Variants in ABI3BP observed in about 807,000 individuals in gnomAD.
ABI3BP encodes ABI family member 3 binding protein.
ABI3BP carries 216 observed loss-of-function variants against 268.6 expected under a neutral mutation model. That is an observed-to-expected ratio of 0.80 (90% confidence interval 0.72 to 0.90). The LOEUF is 0.90. Ranked by LOEUF, ABI3BP falls within the 40% of genes least tolerant of loss-of-function variation. The pLI, the probability that ABI3BP is intolerant of heterozygous loss-of-function variation, is 0.00. For synonymous variants in ABI3BP, 730 were observed against 730.0 expected, an observed-to-expected ratio of 1.00 and a Z score of 0.00; for missense variants, 2,090 against 2,182.4, an observed-to-expected ratio of 0.96 and a Z score of 0.84.
intron 2 of ABI3BP, among the ~76,000 whole-genome samples, chr3:100,904,456 G>C (rs1395739003): frequency 6.6e-6 from 1 of 152,192 alleles, no homozygotes; most frequent in African/African-American, 2.4e-5. Flanking sequence ...GGCATTGGAG[G>C]AATGCATTAT....
At position 100,775,299 on chromosome 3, in the gene ABI3BP, AG is replaced by A; in HGVS notation, c.4369del (p.Leu1457Ter). Reference sequence around the variant, plus strand: ...TCCAGTAGGCCTGGGTGTTGACCTCAGGGGTGGTGTAGTTATTGGGCCTGAT... The same window carrying A: ...TCCAGTAGGCCTGGGTGTTGACCTCAGGGTGGTGTAGTTATTGGGCCTGAT... ...ISSGPITTPP[L>X]RSTPRPTGTP... On this transcript the variant is annotated frameshift_variant, in exon 60 of 68. Transcript: ENST00000471714. LOFTEE classifies it high-confidence loss of function. The A allele has an allele frequency of 6.2e-7, 1 of 1,608,480 alleles. No individual in the cohort carries two copies. The highest frequency in any genetic ancestry group is 1.1e-5 in the South Asian group (1 of 89,754).
At chr3:100,795,152 G>A (rs748579405) in intron 53 of ABI3BP, 149 bp from the exon 54 acceptor site, 51 of 566,726 alleles carry the variant, frequency 9.0e-5, no homozygotes, top group African/African-American at 3.3e-4. Flanking sequence ...AAATGACTGC[G>A]GAATATTAGA....
In ABI3BP at chr3:100,822,653, C is replaced by G. The variant is rs1479633512; in HGVS notation, c.2823G>C (p.Arg941=). Residue 941 remains arginine, a synonymous_variant, in exon 38 of 68, where the codon CGG becomes CGC. Transcript: ENST00000471714. ...TTGTTCTGAGACGTGGACGACGTGTCCGTTGTGATGTTTTGGAAGCTGAAG... is the reference window on the plus strand; with the variant it reads ...TTGTTCTGAGACGTGGACGACGTGTGCGTTGTGATGTTTTGGAAGCTGAAG... ...STTLASKTSQ[R]TRRPRLRTKT... The G allele has an allele frequency of 6.5e-7, 1 of 1,536,464 alleles. No individual in the cohort carries two copies. Among genetic ancestry groups the G allele is most frequent in the East Asian group, 2.4e-5 (1 of 40,904 alleles).
chr3:100,989,568 C>A (rs992137593), intron 1 of ABI3BP, among the ~76,000 whole-genome samples: 1 of 152,190 alleles, frequency 6.6e-6, no homozygotes, highest in South Asian at 2.1e-4. Flanking sequence ...AGAGTCACAC[C>A]CAAGATCCTC....
At chr3:100,752,303 G>GA (rs1428123426) in intron 66 of ABI3BP, among the ~76,000 whole-genome samples, 3 of 152,080 alleles carry the variant, frequency 2.0e-5, no homozygotes, top group Non-Finnish European at 4.4e-5. Context: ...TTGAATGACT[G>GA]AAAAAAATCT....
At chr3:100,984,892 ATGAGAGTC>A (rs1360165214) in intron 1 of ABI3BP, among the ~76,000 whole-genome samples, 2 of 152,170 alleles carry the variant, frequency 1.3e-5, no homozygotes, top group Admixed American at 1.3e-4. Flanking sequence ...TAAACAGTCT[ATGAGAGTC>A]TGAGTGTCAT....
At position 100,838,273 on chromosome 3, in the gene ABI3BP, G is replaced by A. The variant is rs1052560950; in HGVS notation, c.2020C>T (p.Pro674Ser). 3.3e-6 allele frequency: 5 copies of A among 1,536,438 alleles called. No homozygotes were observed. Among genetic ancestry groups the A allele is most frequent in the Non-Finnish European group, 4.4e-6 (5 of 1,146,846 alleles). The change falls in exon 26 of 68, where the codon CCA becomes TCA. Residue 674 changes from proline to serine, a missense_variant. Physicochemically the swap from Pro to Ser is moderately conservative, Grantham distance 74 (BLOSUM62 -1). Transcript: ENST00000471714. The part of the protein sequence containing the change: ...APQIQPGSKP[P>S]KQLLPKPQTT... ...TGGGGTTTAGGAAGTAATTGTTTTGGTGGTTTTGAACCTGAAGAAAATTAG... is the reference window on the plus strand; with the variant it reads ...TGGGGTTTAGGAAGTAATTGTTTTGATGGTTTTGAACCTGAAGAAAATTAG...
chr3:100,898,420 T>C (rs2048676610), intron 4 of ABI3BP, among the ~76,000 whole-genome samples: 1 of 152,234 alleles, frequency 6.6e-6, no homozygotes, highest in South Asian at 2.1e-4. Context: ...AGATCAAAGA[T>C]CCATCCTTTT....
rs569430440 is a variant in ABI3BP, at chr3:100,871,296, C to A, written c.910+3545G>T. The stretch of plus-strand genomic sequence containing the variant: ...TCATCTTGGATGCTTGAAGCATATA[C>A]AATAAAAAATTTTAAAAAATTGTAT... On this transcript the variant is annotated intron_variant, in intron 9 of 67. Transcript: ENST00000471714. Among the ~76,000 whole-genome samples the A allele has an allele frequency of 1.1e-4, 16 of 152,162 alleles. No homozygotes were observed. In the East Asian group the frequency reaches 3.1e-3, roughly 29 times the overall value.
chr3:100,922,629 G>A (rs2060634022), intron 2 of ABI3BP, among the ~76,000 whole-genome samples: 2 of 152,096 alleles, frequency 1.3e-5, no homozygotes, highest in African/African-American at 4.8e-5. Flanking sequence ...TTGACCCACT[G>A]TTGTTGACCT....
intron 1 of ABI3BP, among the ~76,000 whole-genome samples, chr3:100,981,736 C>G (rs994097949): frequency 6.6e-6 from 1 of 152,162 alleles, no homozygotes; most frequent in African/African-American, 2.4e-5. Context: ...ATGCTCATGG[C>G]AAGAATTATG....
At chr3:100,913,182 A>C (rs1214007531) in intron 2 of ABI3BP, among the ~76,000 whole-genome samples, 1 of 152,206 alleles carries the variant, frequency 6.6e-6, no homozygotes, top group Admixed American at 6.5e-5. Flanking sequence ...ACTGACTAAT[A>C]AAACCAAATT....
intron 4 of ABI3BP, among the ~76,000 whole-genome samples, chr3:100,889,708 T>C (rs1038694705): frequency 5.3e-5 from 8 of 152,170 alleles, no homozygotes; most frequent in African/African-American, 1.7e-4. Flanking sequence ...GGTAAGAAAC[T>C]GTTGAAGGTA....
rs538991832 is a variant in ABI3BP, at chr3:100,880,688, A to C, written c.697-4128T>G. ...TGGCTAGGAAAGCATATGCTTCTTTAGAAATACCCACAGTAGCAGCAGCAG... is the reference window on the plus strand; with the variant it reads ...TGGCTAGGAAAGCATATGCTTCTTTCGAAATACCCACAGTAGCAGCAGCAG... On this transcript the variant is annotated intron_variant, in intron 6 of 67. Transcript: ENST00000471714. Among the ~76,000 whole-genome samples the C allele has an allele frequency of 4.6e-5, 7 of 152,320 alleles. No individual in the cohort carries two copies. In the East Asian group the frequency reaches 1.4e-3, roughly 29 times the overall value.
intron 4 of ABI3BP, among the ~76,000 whole-genome samples, chr3:100,890,186 A>G (rs1249337872): frequency 6.6e-6 from 1 of 152,150 alleles, no homozygotes; most frequent in Non-Finnish European, 1.5e-5. Context: ...TACTTCCTTC[A>G]GGAATGCTTT....
At chr3:100,872,814 A>C (rs1358918543) in intron 9 of ABI3BP, among the ~76,000 whole-genome samples, 3 of 152,210 alleles carry the variant, frequency 2.0e-5, no homozygotes, top group Non-Finnish European at 4.4e-5. Context: ...AGTCTGATGC[A>C]CAAATTAAGA....
intron 14 of ABI3BP, among the ~76,000 whole-genome samples, chr3:100,852,205 A>G (rs1208391253): frequency 2.0e-5 from 3 of 152,192 alleles, no homozygotes; most frequent in Admixed American, 6.5e-5. Flanking sequence ...ATAGTGCTAT[A>G]TATTTATAAT....
chr3:100,769,317 T>C (rs1479117200), intron 62 of ABI3BP, among the ~76,000 whole-genome samples: 1 of 152,212 alleles, frequency 6.6e-6, no homozygotes, highest in Non-Finnish European at 1.5e-5. Context: ...CTCTGTATCA[T>C]GTGACAGATC....
At chr3:100,894,613 G>A (rs1039454191) in intron 4 of ABI3BP, among the ~76,000 whole-genome samples, 7 of 152,176 alleles carry the variant, frequency 4.6e-5, no homozygotes, top group African/African-American at 1.7e-4. Context: ...CTCTGGACTG[G>A]CCAAAAAGGA....
Sources: allele counts gnomAD v4.1 joint callset (sites outside exome capture counted in the v4.1 genomes callset), GRCh38; gene constraint gnomAD v4.1.1; transcripts MANE v1.5; gene names NCBI Gene and HGNC (gene_info 2026-07-23, HGNC 2026-07-21).